Variants in PDGFRL observed in about 807,000 individuals in gnomAD.
PDGFRL encodes platelet-derived growth factor receptor-like protein.
In PDGFRL, 46 loss-of-function variants were observed where a neutral mutation model predicts 37.2. The observed-to-expected ratio is 1.24, with a 90% CI of 0.98 to 1.58. PDGFRL has a LOEUF of 1.58. Among genes scored for constraint, PDGFRL ranks in the 40% most tolerant of loss-of-function variants. The pLI, the probability that PDGFRL is intolerant of heterozygous loss-of-function variation, is 0.00. For missense variants in PDGFRL, 692 were observed against 467.6 expected, an observed-to-expected ratio of 1.48 and a Z score of -4.43; for synonymous variants, 251 against 184.3, an observed-to-expected ratio of 1.36 and a Z score of -2.93.
chr8:17,609,496 G>T (rs2129707284), intron 2 of PDGFRL, among the ~76,000 whole-genome samples: 1 of 151,298 alleles, frequency 6.6e-6, no homozygotes, highest in Non-Finnish European at 1.5e-5. Flanking sequence ...AAATTACCTG[G>T]GTGTGGTGGC....
At chr8:17,608,900 AT>A (rs747849853) in intron 2 of PDGFRL, among the ~76,000 whole-genome samples, 2 of 152,120 alleles carry the variant, frequency 1.3e-5, no homozygotes, top group Non-Finnish European at 2.9e-5. Context: ...GGCCTTGAAG[AT>A]AAGATAGAGA....
At chr8:17,594,562 T>G (rs1485932048) in intron 2 of PDGFRL, among the ~76,000 whole-genome samples, 1 of 141,714 alleles carries the variant, frequency 7.1e-6, no homozygotes, top group Admixed American at 7.0e-5. Context: ...TTATTTTGTT[T>G]GTTTTGTTTT....
rs762351738 is a variant in PDGFRL at position 17,579,602 on chromosome 8, A to G, written c.55+2295A>G. ...ATTATTATTGAGATGGAGTCTTGCT[A>G]TGTCACCCAGGTGGAGTGCAGTGGC... On this transcript the variant is annotated intron_variant, in intron 1 of 5. Coordinates refer to ENST00000251630, the MANE Select transcript of PDGFRL (RefSeq NM_001372073.1). Among the ~76,000 whole-genome samples, 252 of 150,626 alleles carry G rather than the reference A, an allele frequency of 1.7e-3. 1 individual carries two copies. The highest frequency in any genetic ancestry group is 2.4e-3 in the Non-Finnish European group (161 of 67,756).
rs543886703 is a variant in PDGFRL at position 17,602,707 on chromosome 8, A to C, written c.353+12942A>C. Among the ~76,000 whole-genome samples the C allele has an allele frequency of 5.3e-3, 808 of 152,138 alleles. 1 individual carries two copies. Among genetic ancestry groups the C allele is most frequent in the Non-Finnish European group, 8.9e-3 (607 of 67,990 alleles). ...AGGAGAGCTCTGTTGGAAGAGCGTA[A>C]CTGCAGGATGCTCTTGGAGTTCTGG... On this transcript the variant is annotated intron_variant, in intron 2 of 5. Transcript: ENST00000251630.
Position 17,591,551 on chromosome 8 carries a change from G to T in PDGFRL, c.353+1786G>T, listed in dbSNP as rs1355857451. 1.3e-5 allele frequency among the ~76,000 whole-genome samples: 2 copies of T among 152,172 alleles called. 1 individual carries two copies. Among genetic ancestry groups the T allele is most frequent in the Non-Finnish European group, 2.9e-5 (2 of 68,030 alleles). On this transcript the variant is annotated intron_variant, in intron 2 of 5. Transcript: ENST00000251630. ...TTCTGGCCCTATTTCCGTATATGATGGAGAAATAGGATGGACTTACAATGG... is the reference window on the plus strand; with the variant it reads ...TTCTGGCCCTATTTCCGTATATGATTGAGAAATAGGATGGACTTACAATGG...
intron 5 of PDGFRL, among the ~76,000 whole-genome samples, chr8:17,634,425 A>G (rs1804927906): frequency 6.6e-6 from 1 of 152,024 alleles, no homozygotes. Flanking sequence ...AAGGACAGGA[A>G]ATAAGAGATT....
chr8:17,601,181 C>A (rs912539131), intron 2 of PDGFRL, among the ~76,000 whole-genome samples: 1 of 152,312 alleles, frequency 6.6e-6, no homozygotes, highest in South Asian at 2.1e-4. Flanking sequence ...TGAATTGTCC[C>A]ACTTCTTCCT....
At chr8:17,602,621 T>C (rs948896247) in intron 2 of PDGFRL, among the ~76,000 whole-genome samples, 3 of 152,268 alleles carry the variant, frequency 2.0e-5, no homozygotes, top group Non-Finnish European at 4.4e-5. Context: ...AAATTCCACA[T>C]TGATTTAGGG....
chr8:17,600,230 T>C (rs141563720), intron 2 of PDGFRL, among the ~76,000 whole-genome samples: 1 of 152,196 alleles, frequency 6.6e-6, no homozygotes, highest in African/African-American at 2.4e-5. Flanking sequence ...CGCTTTTCCA[T>C]GCCTTGAGAT....
chr8:17,613,540 C>G (rs1013963299), intron 2 of PDGFRL, among the ~76,000 whole-genome samples: 1 of 152,074 alleles, frequency 6.6e-6, no homozygotes, highest in Non-Finnish European at 1.5e-5. Flanking sequence ...TGTGCAGTCT[C>G]CCGTGAAGTA....
In PDGFRL at chr8:17,628,472, T is replaced by G; in HGVS notation, c.506-15T>G. ...CTCCGGAGTGAATAAGCCTGTGTCT[T>G]CCTTCCCTTTGCAGAGAAAGGAGAA... On this transcript the variant is annotated splice_polypyrimidine_tract_variant and intron_variant, in intron 3 of 5. Transcript: ENST00000251630. 6.2e-7 allele frequency: 1 copy of G among 1,610,162 alleles called. No individual in the cohort carries two copies. The highest frequency in any genetic ancestry group is 8.5e-7 in the Non-Finnish European group (1 of 1,176,414).
At chr8:17,580,615 A>C (rs768368556) in intron 1 of PDGFRL, among the ~76,000 whole-genome samples, 2 of 152,192 alleles carry the variant, frequency 1.3e-5, no homozygotes, top group Non-Finnish European at 2.9e-5. Flanking sequence ...ATAAAGAAGT[A>C]AAGATACAAT....
chr8:17,621,015 T>C, intron 2 of PDGFRL, 36 bp from the exon 3 acceptor site: 2 of 1,548,230 alleles, frequency 1.3e-6, no homozygotes, highest in South Asian at 1.2e-5. Context: ...CAGCCAGGTC[T>C]GACTTGCTTT....
At chr8:17,595,352 C>A (rs933600705) in intron 2 of PDGFRL, among the ~76,000 whole-genome samples, 1 of 152,162 alleles carries the variant, frequency 6.6e-6, no homozygotes, top group African/African-American at 2.4e-5. Flanking sequence ...AGGGTCTGGG[C>A]AGGCCCAGCT....
upstream of PDGFRL, chr8:17,576,643 G>T (rs1181281216): frequency 5.6e-6 from 5 of 894,214 alleles, no homozygotes; most frequent in Non-Finnish European, 6.7e-6. Flanking sequence ...CATTTTCCAC[G>T]TTATTCCTGT....
chr8:17,582,915 C>A (rs1176134439), intron 1 of PDGFRL, among the ~76,000 whole-genome samples: 1 of 152,094 alleles, frequency 6.6e-6, no homozygotes. Context: ...CTGCCGTGCA[C>A]CACCTCGGGA....
At chr8:17,615,519 C>T (rs533774094) in intron 2 of PDGFRL, among the ~76,000 whole-genome samples, 10 of 152,252 alleles carry the variant, frequency 6.6e-5, no homozygotes, top group African/African-American at 2.4e-4. Context: ...GGACAAGTTG[C>T]TTCTCTATGT....
At chr8:17,627,835 T>C (rs998702770) in intron 3 of PDGFRL, among the ~76,000 whole-genome samples, 1 of 151,936 alleles carries the variant, frequency 6.6e-6, no homozygotes, top group Non-Finnish European at 1.5e-5. Context: ...CTATATATTA[T>C]AGTATAAGAA....
At chr8:17,579,256 A>G (rs1456872651) in intron 1 of PDGFRL, among the ~76,000 whole-genome samples, 2 of 152,198 alleles carry the variant, frequency 1.3e-5, no homozygotes, top group African/African-American at 4.8e-5. Context: ...ATTTATGGAT[A>G]CAATAGTGAA....
Sources: gnomAD v4.1 joint callset for allele counts (sites outside exome capture counted in the v4.1 genomes callset) on GRCh38, gnomAD v4.1.1 for gene constraint, MANE v1.5 for transcripts, NCBI Gene and HGNC (gene_info 2026-07-23, HGNC 2026-07-21) for gene names.